Variants in CERS6 observed in about 807,000 individuals in gnomAD.
CERS6 encodes LAG1 homolog, ceramide synthase 6.
CERS6 carries 26 observed loss-of-function variants against 56.8 expected under a neutral mutation model. That is an observed-to-expected ratio of 0.46 (90% confidence interval 0.34 to 0.63). The LOEUF is 0.63. Among genes scored for constraint, CERS6 ranks in the 30% least tolerant of loss-of-function variants. The pLI, the probability that CERS6 is intolerant of heterozygous loss-of-function variation, is 0.01. For synonymous variants in CERS6, 164 were observed against 173.3 expected, an observed-to-expected ratio of 0.95 and a Z score of 0.42; for missense variants, 415 against 467.5, an observed-to-expected ratio of 0.89 and a Z score of 1.04.
At chr2:168,496,014 G>A (rs1006103217) in intron 1 of CERS6, among the ~76,000 whole-genome samples, 2 of 152,186 alleles carry the variant, frequency 1.3e-5, no homozygotes, top group African/African-American at 4.8e-5. Flanking sequence ...ATGCACACAT[G>A]CTTTATTTGG....
chr2:168,696,318 C>T (rs1032144391), intron 6 of CERS6, among the ~76,000 whole-genome samples: 18 of 152,170 alleles, frequency 1.2e-4, no homozygotes, highest in African/African-American at 4.3e-4. Context: ...TTTTCCTTTG[C>T]TCTCGTTTTT....
At chr2:168,553,438 A>G (rs1240248996) in intron 2 of CERS6, among the ~76,000 whole-genome samples, 2 of 151,860 alleles carry the variant, frequency 1.3e-5, no homozygotes, top group Non-Finnish European at 2.9e-5. Context: ...GCTGGACTTG[A>G]TAAGTAAAGA....
chr2:168,549,828 A>T (rs1191115652), intron 2 of CERS6, among the ~76,000 whole-genome samples: 1 of 152,120 alleles, frequency 6.6e-6, no homozygotes, highest in African/African-American at 2.4e-5. Context: ...TAATTGTGAT[A>T]TGAAATGTAA....
chr2:168,626,031 AG>A (rs1345146380), intron 3 of CERS6, among the ~76,000 whole-genome samples: 1 of 152,102 alleles, frequency 6.6e-6, no homozygotes, highest in African/African-American at 2.4e-5. Context: ...AATGGTTAAG[AG>A]TTTGGATGCT....
chr2:168,616,480 C>G (rs1684320912), intron 3 of CERS6, among the ~76,000 whole-genome samples: 1 of 152,118 alleles, frequency 6.6e-6, no homozygotes, highest in Admixed American at 6.5e-5. Flanking sequence ...CTATTGCTGC[C>G]TTCAAGAGAC....
intron 4 of CERS6, among the ~76,000 whole-genome samples, chr2:168,672,013 T>G (rs1028426355): frequency 6.6e-6 from 1 of 152,240 alleles, no homozygotes; most frequent in South Asian, 2.1e-4. Flanking sequence ...GTTTTCTAGA[T>G]AATACTTCTC....
At chr2:168,669,742 T>C (rs1685860708) in intron 4 of CERS6, among the ~76,000 whole-genome samples, 1 of 152,166 alleles carries the variant, frequency 6.6e-6, no homozygotes, top group African/African-American at 2.4e-5. Flanking sequence ...TTCCCGGGAA[T>C]AACAACCACT....
At chr2:168,533,582 G>C (rs1009728633) in intron 1 of CERS6, among the ~76,000 whole-genome samples, 3 of 152,150 alleles carry the variant, frequency 2.0e-5, no homozygotes, top group African/African-American at 7.2e-5. Context: ...TGAAAGATCT[G>C]CTGTTAGTGT....
intron 1 of CERS6, among the ~76,000 whole-genome samples, chr2:168,526,688 T>C (rs1695077707): frequency 6.6e-6 from 1 of 152,252 alleles, no homozygotes; most frequent in Non-Finnish European, 1.5e-5. Flanking sequence ...GCTGTTTAGC[T>C]GCTTTTTATA....
chr2:168,554,209 G>A (rs1695635228), intron 2 of CERS6, among the ~76,000 whole-genome samples: 1 of 152,018 alleles, frequency 6.6e-6, no homozygotes, highest in African/African-American at 2.4e-5. Context: ...AAAATGGAAA[G>A]TAGAACATAA....
At chr2:168,761,927 G>A (rs779218187) in intron 8 of CERS6, among the ~76,000 whole-genome samples, 6 of 152,040 alleles carry the variant, frequency 3.9e-5, no homozygotes, top group African/African-American at 7.2e-5. Context: ...AGCACCACAT[G>A]TTCTCACTCA....
chr2:168,769,008 T>C (rs1287172956), intron 9 of CERS6, among the ~76,000 whole-genome samples: 2 of 148,738 alleles, frequency 1.3e-5, no homozygotes, highest in African/African-American at 4.9e-5. Flanking sequence ...ATACAAAAAA[T>C]AGAAATGTAA....
intron 3 of CERS6, among the ~76,000 whole-genome samples, chr2:168,579,602 A>G (rs1297320150): frequency 6.6e-6 from 1 of 152,032 alleles, no homozygotes. Context: ...AGTCTAGCTT[A>G]GGCACCCTTT....
intron 8 of CERS6, among the ~76,000 whole-genome samples, chr2:168,738,016 TTGA>T (rs1202534904): frequency 2.6e-5 from 4 of 152,132 alleles, no homozygotes; most frequent in African/African-American, 9.7e-5. Context: ...TGACCATGAG[TTGA>T]TTATTATTAA....
At chr2:168,672,442 A>G (rs1189535018) in intron 4 of CERS6, among the ~76,000 whole-genome samples, 3 of 152,240 alleles carry the variant, frequency 2.0e-5, no homozygotes, top group Admixed American at 2.0e-4. Flanking sequence ...GCGAAGTCAG[A>G]AGTTTATTAG....
At chr2:168,652,178 A>C (rs1166072485) in intron 4 of CERS6, among the ~76,000 whole-genome samples, 1 of 152,090 alleles carries the variant, frequency 6.6e-6, no homozygotes, top group Non-Finnish European at 1.5e-5. Context: ...AACTTAGTTC[A>C]ACGAAATCAG....
At chr2:168,693,311 A>G (rs62174420) in intron 5 of CERS6, among the ~76,000 whole-genome samples, 9,415 of 152,236 alleles carry the variant, frequency 0.062, 362 homozygotes, top group East Asian at 0.14. Flanking sequence ...AGAAATTAAC[A>G]TGTGAGTGAG....
intron 8 of CERS6, among the ~76,000 whole-genome samples, chr2:168,747,558 T>G (rs1487893055): frequency 6.6e-6 from 1 of 152,214 alleles, no homozygotes; most frequent in African/African-American, 2.4e-5. Flanking sequence ...ATTCTGGATA[T>G]ATATAGCCAA....
chr2:168,497,732 C>T (rs1344286931), intron 1 of CERS6, among the ~76,000 whole-genome samples: 1 of 152,110 alleles, frequency 6.6e-6, no homozygotes, highest in Non-Finnish European at 1.5e-5. Flanking sequence ...CCTGGGAAGC[C>T]CCTGGCTTTT....
Sources: gnomAD v4.1 joint callset for allele counts (sites outside exome capture counted in the v4.1 genomes callset) on GRCh38, gnomAD v4.1.1 for gene constraint, MANE v1.5 for transcripts, NCBI Gene and HGNC (gene_info 2026-07-23, HGNC 2026-07-21) for gene names.